The following SNTG2 variants were observed in gnomAD, a reference collection of about 807,000 sequenced individuals.
SNTG2 encodes the protein syntrophin gamma 2.
A neutral mutation model predicts 70.9 loss-of-function variants in SNTG2; 74 were observed. The ratio of observed to expected loss-of-function variants is 1.04; its 90% CI spans 0.86 to 1.27. The LOEUF (loss-of-function observed/expected upper bound fraction) is 1.27. SNTG2 is among the 50% of genes most tolerant of loss of function. The probability of loss-of-function intolerance (pLI) is 0.00; values close to 1 mark genes in which losing one functional copy is unlikely to be tolerated. For synonymous variants in SNTG2, 278 were observed against 273.8 expected, an observed-to-expected ratio of 1.02 and a Z score of -0.15; for missense variants, 717 against 690.7, an observed-to-expected ratio of 1.04 and a Z score of -0.43.
chr2:1,151,917 C>T (rs574010114), intron 6 of SNTG2, among the ~76,000 whole-genome samples: 4 of 143,036 alleles, frequency 2.8e-5, no homozygotes, highest in Non-Finnish European at 6.0e-5. Context: ...GAATTGAAAA[C>T]AGATTTGCTC....
intron 12 of SNTG2, among the ~76,000 whole-genome samples, chr2:1,253,714 T>C (rs753895865): frequency 1.3e-5 from 2 of 152,066 alleles, no homozygotes; most frequent in Non-Finnish European, 2.9e-5. Context: ...ACTGGGTAGT[T>C]TATAAAGAAA....
chr2:1,152,817 C>T (rs1041019546), intron 6 of SNTG2, among the ~76,000 whole-genome samples: 1 of 152,118 alleles, frequency 6.6e-6, no homozygotes, highest in African/African-American at 2.4e-5. Context: ...TAGATGTTGA[C>T]CACATCTATA....
intron 16 of SNTG2, among the ~76,000 whole-genome samples, chr2:1,318,189 A>G (rs1273075532): frequency 6.6e-6 from 1 of 152,130 alleles, no homozygotes; most frequent in Non-Finnish European, 1.5e-5. Context: ...AAACTTAATA[A>G]GACTAAAGAT....
chr2:1,279,499 G>T lies in SNTG2; in HGVS notation c.1284+11928G>T, dbSNP rs150857488. Reference sequence around the variant, plus strand: ...CTCGGAATGTAACCTCCTTGGAGGAGCGGGGGCTCCCGTACAGGAATTAAG... The same window carrying T: ...CTCGGAATGTAACCTCCTTGGAGGATCGGGGGCTCCCGTACAGGAATTAAG... On this transcript the variant is annotated intron_variant, in intron 14 of 16. Transcript: ENST00000308624. 9.8e-3 allele frequency among the ~76,000 whole-genome samples: 1,500 copies of T among 152,344 alleles called. 19 individuals carry two copies. Among genetic ancestry groups the T allele is most frequent in the Middle Eastern group, 0.017 (5 of 294 alleles).
intron 1 of SNTG2, among the ~76,000 whole-genome samples, chr2:1,075,032 C>A (rs4246570): frequency 0.82 from 124,543 of 152,234 alleles, 51,000 homozygotes; most frequent in Admixed American, 0.89. Flanking sequence ...GGAATCATAT[C>A]TGACTATACA....
At chr2:1,311,230 G>T (rs1169511001) in intron 15 of SNTG2, among the ~76,000 whole-genome samples, 1 of 152,136 alleles carries the variant, frequency 6.6e-6, no homozygotes, top group African/African-American at 2.4e-5. Flanking sequence ...TGAACCTGAG[G>T]CTCAGAGGCC....
At chr2:1,047,325 C>A (rs77342099) in intron 1 of SNTG2, among the ~76,000 whole-genome samples, 2 of 152,164 alleles carry the variant, frequency 1.3e-5, no homozygotes, top group Non-Finnish European at 2.9e-5. Flanking sequence ...CCTTGCCATC[C>A]AGATTCTGAA....
chr2:988,503 G>A (rs894519008), intron 1 of SNTG2, among the ~76,000 whole-genome samples: 32 of 152,158 alleles, frequency 2.1e-4, no homozygotes, highest in Non-Finnish European at 4.1e-4. Flanking sequence ...CACCCGTGAG[G>A]ATGCGGGGTC....
chr2:1,148,185 G>A (rs1174958581), intron 6 of SNTG2, among the ~76,000 whole-genome samples: 2 of 152,224 alleles, frequency 1.3e-5, no homozygotes, highest in Non-Finnish European at 2.9e-5. Flanking sequence ...GAAACATTGT[G>A]AGGCTCTGTC....
intron 6 of SNTG2, among the ~76,000 whole-genome samples, chr2:1,148,043 A>G (rs1669214024): frequency 6.6e-6 from 1 of 152,208 alleles, no homozygotes; most frequent in African/African-American, 2.4e-5. Context: ...GGAATGAATG[A>G]GCTGGTGGTT....
intron 1 of SNTG2, among the ~76,000 whole-genome samples, chr2:975,057 CAGGAGCAAACA>C (rs1452948779): frequency 6.6e-6 from 1 of 152,126 alleles, no homozygotes; most frequent in Non-Finnish European, 1.5e-5. Flanking sequence ...CACTCACACC[CAGGAGCAAACA>C]ACATGCGCTT....
intron 12 of SNTG2, 80 bp downstream of exon 12, chr2:1,247,523 G>A (rs780124071): frequency 1.0e-6 from 1 of 971,986 alleles, no homozygotes. Flanking sequence ...TACATCTGGT[G>A]TTTGGAGGAG....
rs151045138 is a variant in SNTG2 at position 1,134,868 on chromosome 2, G to A, written c.326-2754G>A. On this transcript the variant is annotated intron_variant, in intron 4 of 16. Coordinates refer to ENST00000308624, the MANE Select transcript of SNTG2 (RefSeq NM_018968.4). ...GGCTGCAGGTCCCGAGCCCTGCCCC[G>A]CGGGGAGGCAGCTAAGGCCCCGAGA... 6.1e-3 allele frequency among the ~76,000 whole-genome samples: 932 copies of A among 152,288 alleles called. 9 individuals are homozygous for A. The highest frequency in any genetic ancestry group is 0.021 in the African/African-American group (888 of 41,566).
intron 6 of SNTG2, among the ~76,000 whole-genome samples, chr2:1,161,892 G>A (rs576293243): frequency 2.7e-4 from 41 of 151,992 alleles, no homozygotes; most frequent in Non-Finnish European, 5.3e-4. Flanking sequence ...GGCTAACACG[G>A]TGAAACCCCG....
chr2:1,168,886 G>A (rs1670933923), intron 7 of SNTG2, among the ~76,000 whole-genome samples: 1 of 152,186 alleles, frequency 6.6e-6, no homozygotes, highest in African/African-American at 2.4e-5. Flanking sequence ...CGTAGAGGCA[G>A]AACATGTTAG....
chr2:1,340,137 G>A (rs1214632989), intron 16 of SNTG2, among the ~76,000 whole-genome samples: 1 of 152,212 alleles, frequency 6.6e-6, no homozygotes, highest in Non-Finnish European at 1.5e-5. Flanking sequence ...CAAAAAACTG[G>A]AGCTAACAAT....
At chr2:1,157,436 A>G (rs1346074192) in intron 6 of SNTG2, among the ~76,000 whole-genome samples, 3 of 152,180 alleles carry the variant, frequency 2.0e-5, no homozygotes, top group Non-Finnish European at 4.4e-5. Flanking sequence ...CCAGACACTC[A>G]CACGTGCACA....
intron 1 of SNTG2, among the ~76,000 whole-genome samples, chr2:1,076,305 G>A (rs945595386): frequency 1.3e-5 from 2 of 152,082 alleles, no homozygotes; most frequent in Admixed American, 6.5e-5. Flanking sequence ...CCTTCCACCC[G>A]TATGGCCCAG....
chr2:1,325,494 G>A (rs1572985383), intron 16 of SNTG2, among the ~76,000 whole-genome samples: 2 of 152,336 alleles, frequency 1.3e-5, no homozygotes, highest in Middle Eastern at 3.4e-3. Flanking sequence ...TTAATGTTGT[G>A]TTAGCAATCC....
Sources: gnomAD v4.1 joint callset for allele counts (sites outside exome capture counted in the v4.1 genomes callset) on GRCh38, gnomAD v4.1.1 for gene constraint, MANE v1.5 for transcripts, NCBI Gene and HGNC (gene_info 2026-07-23, HGNC 2026-07-21) for gene names.